The following RALGPS2 variants were observed in gnomAD, a reference collection of about 807,000 sequenced individuals.
RALGPS2 encodes the protein Ral GEF with PH domain and SH3 binding motif 2.
RALGPS2 carries 43 observed loss-of-function variants against 86.8 expected under a neutral mutation model. That is an observed-to-expected ratio of 0.50 (90% CI 0.39 to 0.64). The LOEUF (loss-of-function observed/expected upper bound fraction) is 0.64. RALGPS2 is among the 30% of genes least tolerant of loss of function. The probability of loss-of-function intolerance (pLI) is 0.00; values close to 1 mark genes in which losing one functional copy is unlikely to be tolerated. For missense variants in RALGPS2, 536 were observed against 694.6 expected (o/e 0.77, Z 2.57); for synonymous variants, 243 against 231.3 (o/e 1.05, Z -0.46).
intron 1 of RALGPS2, among the ~76,000 whole-genome samples, chr1:178,748,672 G>A (rs1423820386): frequency 6.6e-6 from 1 of 151,776 alleles, no homozygotes; most frequent in African/African-American, 2.4e-5. Context: ...GGCCAACATA[G>A]TGAAACCCCA....
At chr1:178,755,967 G>T (rs1445883327) in intron 1 of RALGPS2, among the ~76,000 whole-genome samples, 1 of 152,022 alleles carries the variant, frequency 6.6e-6, no homozygotes, top group Non-Finnish European at 1.5e-5. Flanking sequence ...TATGTTTCTT[G>T]GCCACTTGTA....
chr1:178,867,134 T>G (rs1658464639), intron 8 of RALGPS2, among the ~76,000 whole-genome samples: 1 of 152,160 alleles, frequency 6.6e-6, no homozygotes, highest in African/African-American at 2.4e-5. Context: ...GCTCCTAAGT[T>G]GTTTATGCCT....
chr1:178,892,256 C>T lies in RALGPS2; in HGVS notation c.1274C>T (p.Pro425Leu), dbSNP rs775899673. The T allele has an allele frequency of 6.2e-6, 10 of 1,612,604 alleles. No homozygotes were observed. Among genetic ancestry groups the T allele is most frequent in the African/African-American group, 1.3e-5 (1 of 74,920 alleles). Reference protein sequence around the residue: ...ERNRLYHSLGPVTRVARNGYR... With the variant: ...ERNRLYHSLGLVTRVARNGYR... ...AACAGATTATACCATTCTCTCGGCC[C>T]GGTGACAAGAGTGGCACGAAATGGC... The change falls in exon 15 of 20, where the codon CCG becomes CTG. Residue 425 changes from proline to leucine, a missense_variant. Physicochemically the swap from Pro to Leu is moderately conservative, Grantham distance 98. Coordinates refer to ENST00000367635, the MANE Select transcript of RALGPS2 (RefSeq NM_152663.5).
intron 7 of RALGPS2, among the ~76,000 whole-genome samples, chr1:178,829,469 C>T (rs897519087): frequency 3.3e-5 from 5 of 152,096 alleles, no homozygotes; most frequent in African/African-American, 9.7e-5. Flanking sequence ...TTGTGAACTC[C>T]GCATGTGAAG....
At chr1:178,822,746 T>G (rs1655564221) in intron 7 of RALGPS2, among the ~76,000 whole-genome samples, 1 of 152,186 alleles carries the variant, frequency 6.6e-6, no homozygotes, top group East Asian at 1.9e-4. Context: ...TCTTAAAATT[T>G]GAATTTCATG....
intron 8 of RALGPS2, chr1:178,853,857 A>G (rs1657351212): frequency 7.8e-7 from 1 of 1,280,074 alleles, no homozygotes; most frequent in South Asian, 1.9e-5. Flanking sequence ...GTTTTTAATC[A>G]AGATTTTTAC....
At chr1:178,746,073 C>G (rs1028213580) in intron 1 of RALGPS2, among the ~76,000 whole-genome samples, 3 of 152,048 alleles carry the variant, frequency 2.0e-5, no homozygotes, top group African/African-American at 7.2e-5. Context: ...CCACCCACCT[C>G]AGACTCCCAA....
At chr1:178,863,190 A>C (rs1018400381) in intron 8 of RALGPS2, among the ~76,000 whole-genome samples, 51 of 152,200 alleles carry the variant, frequency 3.4e-4, no homozygotes, top group African/African-American at 1.2e-3. Context: ...AATGAGGGAC[A>C]TGCACACAAG....
intron 19 of RALGPS2, among the ~76,000 whole-genome samples, chr1:178,907,101 TA>T (rs1053335925): frequency 6.6e-6 from 1 of 152,130 alleles, no homozygotes; most frequent in African/African-American, 2.4e-5. Flanking sequence ...AAGAAAACAA[TA>T]GACGTATGTG....
chr1:178,848,085 G>T (rs1656955599), intron 8 of RALGPS2, among the ~76,000 whole-genome samples: 1 of 152,104 alleles, frequency 6.6e-6, no homozygotes, highest in African/African-American at 2.4e-5. Flanking sequence ...AAGGTGGGAG[G>T]ATCACTTGAG....
At chr1:178,806,033 T>C (rs1473585478) in intron 4 of RALGPS2, among the ~76,000 whole-genome samples, 2 of 152,108 alleles carry the variant, frequency 1.3e-5, no homozygotes, top group African/African-American at 4.8e-5. Context: ...GGTCTGCTCA[T>C]AGCTTTGCCC....
chr1:178,844,867 A>G (rs550785733), intron 8 of RALGPS2, among the ~76,000 whole-genome samples: 9 of 152,264 alleles, frequency 5.9e-5, no homozygotes, highest in African/African-American at 1.9e-4. Flanking sequence ...TACTACAAAG[A>G]TGCAGTAGCT....
At chr1:178,786,169 G>A (rs1041572445) in intron 4 of RALGPS2, among the ~76,000 whole-genome samples, 1 of 151,986 alleles carries the variant, frequency 6.6e-6, no homozygotes, top group East Asian at 1.9e-4. Flanking sequence ...TGGTAGAGGT[G>A]GAAGAAAATC....
chr1:178,780,099 A>G (rs909898022), intron 2 of RALGPS2, among the ~76,000 whole-genome samples: 4 of 152,198 alleles, frequency 2.6e-5, no homozygotes, highest in Admixed American at 6.5e-5. Context: ...TCTGCTAGCA[A>G]GACAGAAGTT....
intron 1 of RALGPS2, chr1:178,747,216 G>T (rs1210717292): frequency 5.9e-6 from 8 of 1,346,106 alleles, no homozygotes; most frequent in Non-Finnish European, 8.5e-6. Context: ...ATCACCACAG[G>T]TCCATGGTCA....
At chr1:178,796,725 A>G (rs942833463) in intron 4 of RALGPS2, among the ~76,000 whole-genome samples, 2 of 152,236 alleles carry the variant, frequency 1.3e-5, no homozygotes, top group African/African-American at 4.8e-5. Flanking sequence ...CCTACAAGAT[A>G]TAAGGAAGCT....
intron 6 of RALGPS2, among the ~76,000 whole-genome samples, chr1:178,817,350 A>T (rs1655282130): frequency 7.6e-6 from 1 of 131,282 alleles, no homozygotes; most frequent in African/African-American, 3.4e-5. Flanking sequence ...CAATTTAAAA[A>T]AAAAAAAAAA....
chr1:178,825,079 A>T (rs1655689567), intron 7 of RALGPS2, among the ~76,000 whole-genome samples: 1 of 152,222 alleles, frequency 6.6e-6, no homozygotes, highest in Non-Finnish European at 1.5e-5. Context: ...TAGGTTTGAT[A>T]GACCTTATGT....
chr1:178,833,252 A>G (rs1656111745), intron 7 of RALGPS2, among the ~76,000 whole-genome samples, 172 bp from the exon 8 acceptor site: 1 of 152,116 alleles, frequency 6.6e-6, no homozygotes, highest in African/African-American at 2.4e-5. Context: ...AATTTGGATT[A>G]TTAATAGACA....
Sources: allele counts gnomAD v4.1 joint callset (sites outside exome capture counted in the v4.1 genomes callset), GRCh38; gene constraint gnomAD v4.1.1; transcripts MANE v1.5; gene names NCBI Gene and HGNC (gene_info 2026-07-23, HGNC 2026-07-21).